ZPBP: variants seen among roughly 807,000 people sequenced by gnomAD.
The protein encoded by ZPBP is zona pellucida-binding protein 1.
In ZPBP, 26 loss-of-function variants were observed where a neutral mutation model predicts 44.8. The ratio of observed to expected loss-of-function variants is 0.58; its 90% confidence interval spans 0.43 to 0.81. The LOEUF (loss-of-function observed/expected upper bound fraction) is 0.81, where lower values mean the gene tolerates loss of function less well. Ranked by LOEUF, ZPBP falls within the 30% of genes least tolerant of loss-of-function variation. The pLI is 0.00. For synonymous variants in ZPBP, 174 were observed against 153.2 expected (o/e 1.14, Z -1.00); for missense variants, 409 against 434.0 (o/e 0.94, Z 0.51).
intron 1 of ZPBP, among the ~76,000 whole-genome samples, chr7:49,910,307 T>C (rs1365461591): frequency 6.6e-6 from 1 of 152,220 alleles, no homozygotes; most frequent in Non-Finnish European, 1.5e-5. Context: ...TTCTGGAGTT[T>C]GCTGGATTAA....
At chr7:49,983,669 C>A (rs1797128173) in intron 6 of ZPBP, 150 bp from the exon 7 acceptor site, 1 of 565,318 alleles carries the variant, frequency 1.8e-6, no homozygotes, top group Non-Finnish European at 3.1e-6. Flanking sequence ...ATAAAACACA[C>A]AAAACTGAAA....
chr7:49,864,051 C>T (rs691465), intron 2 of ZPBP, among the ~76,000 whole-genome samples: 2,740 of 152,166 alleles, frequency 0.018, 88 homozygotes, highest in African/African-American at 0.063. Context: ...TCAGACTGCC[C>T]TTCTTCCAGA....
In ZPBP at chr7:49,971,267, A is replaced by T. The variant is rs560356936; in HGVS notation, c.961+12075T>A. ...AGGAGAGGAAACTGAACACAGAATC[A>T]CCATAATGAGGGAAATAAATTAGGA... On this transcript the variant is annotated intron_variant, in intron 7 of 7. Transcript: ENST00000046087. 2.0e-5 allele frequency among the ~76,000 whole-genome samples: 3 copies of T among 152,288 alleles called. No homozygotes were observed. The East Asian group carries it at 5.8e-4, about 29-fold the overall frequency.
chr7:49,932,482 C>T (rs1219147121), downstream of ZPBP, among the ~76,000 whole-genome samples: 1 of 152,220 alleles, frequency 6.6e-6, no homozygotes, highest in Middle Eastern at 3.2e-3. Flanking sequence ...GGGCCTGCAG[C>T]CCCTTCGTTT....
intron 7 of ZPBP, chr7:49,940,873 G>T: frequency 1.3e-6 from 1 of 772,250 alleles, no homozygotes; most frequent in Non-Finnish European, 1.6e-6. Context: ...ACCACAAGGA[G>T]ACAACAAAGG....
chr7:49,971,084 C>A (rs1796287389), intron 7 of ZPBP, among the ~76,000 whole-genome samples: 1 of 151,800 alleles, frequency 6.6e-6, no homozygotes, highest in African/African-American at 2.4e-5. Context: ...ACAGATAATA[C>A]CTTGAGACAA....
chr7:50,050,195 GA>G (rs1800619807), intron 4 of ZPBP, among the ~76,000 whole-genome samples: 1 of 151,952 alleles, frequency 6.6e-6, no homozygotes, highest in South Asian at 2.1e-4. Flanking sequence ...TCTATAAATT[GA>G]ATGTAATTCC....
At chr7:49,982,483 A>T (rs1253499880) in intron 7 of ZPBP, among the ~76,000 whole-genome samples, 1 of 148,858 alleles carries the variant, frequency 6.7e-6, no homozygotes, top group Non-Finnish European at 1.5e-5. Flanking sequence ...TTTTTGTGAA[A>T]CTTCATATTT....
chr7:49,911,480 CAAAA>C (rs34782644), intron 1 of ZPBP, among the ~76,000 whole-genome samples: 1 of 71,628 alleles, frequency 1.4e-5, no homozygotes, highest in Non-Finnish European at 2.5e-5. Flanking sequence ...GACTCTGTCT[CAAAA>C]AAAAAAAAAA....
intron 6 of ZPBP, among the ~76,000 whole-genome samples, chr7:50,010,124 C>A (rs1051924029): frequency 1.3e-5 from 2 of 152,058 alleles, no homozygotes; most frequent in African/African-American, 4.8e-5. Flanking sequence ...TTGTACACAT[C>A]TACAAGCTTA....
At chr7:49,979,727 G>T (rs534535067) in intron 7 of ZPBP, among the ~76,000 whole-genome samples, 1 of 147,252 alleles carries the variant, frequency 6.8e-6, no homozygotes, top group African/African-American at 2.5e-5. Flanking sequence ...TTTGAATAAT[G>T]ATATAAATAC....
At chr7:49,978,853 T>C (rs1180176852) in intron 7 of ZPBP, among the ~76,000 whole-genome samples, 1 of 152,010 alleles carries the variant, frequency 6.6e-6, no homozygotes, top group South Asian at 2.1e-4. Flanking sequence ...AACGTTAGGG[T>C]GATAACCTCC....
chr7:49,950,632 C>T (rs562925068), intron 7 of ZPBP, among the ~76,000 whole-genome samples: 3 of 151,310 alleles, frequency 2.0e-5, no homozygotes, highest in Non-Finnish European at 1.5e-5. Flanking sequence ...CATATAAATA[C>T]ACAAATTAAT....
intron 2 of ZPBP, among the ~76,000 whole-genome samples, chr7:49,871,092 C>A (rs1791130454): frequency 6.6e-6 from 1 of 151,998 alleles, no homozygotes; most frequent in Non-Finnish European, 1.5e-5. Flanking sequence ...TGGAGCCATC[C>A]AAGAAGGACT....
chr7:49,840,826 A>G, the ZPBP span, among the ~76,000 whole-genome samples: 9 of 152,098 alleles, frequency 5.9e-5, no homozygotes, highest in African/African-American at 1.2e-4. Flanking sequence ...CAAGCCACTC[A>G]TAGTTTGTCC....
chr7:50,022,489 C>T (rs566826370), intron 5 of ZPBP, among the ~76,000 whole-genome samples: 1 of 151,894 alleles, frequency 6.6e-6, no homozygotes, highest in South Asian at 2.1e-4. Flanking sequence ...TTATAGTTCT[C>T]AGGTTAGCCA....
chr7:50,020,273 T>C (rs1584057122), intron 5 of ZPBP, among the ~76,000 whole-genome samples: 1 of 152,110 alleles, frequency 6.6e-6, no homozygotes, highest in South Asian at 2.1e-4. Context: ...TGAATCTTTA[T>C]ACAAGTTTAA....
At chr7:50,089,752 T>A in intron 1 of ZPBP, 43 bp from the exon 2 acceptor site, 1 of 1,458,046 alleles carries the variant, frequency 6.9e-7, no homozygotes, top group Non-Finnish European at 9.5e-7. Context: ...TTAGATATTC[T>A]AAAATATTCA....
At chr7:49,907,453 A>C (rs1439122294) in intron 1 of ZPBP, among the ~76,000 whole-genome samples, 1 of 152,192 alleles carries the variant, frequency 6.6e-6, no homozygotes, top group Non-Finnish European at 1.5e-5. Flanking sequence ...ATTACATAAC[A>C]GTAGGATAAA....
Sources: allele counts gnomAD v4.1 joint callset (sites outside exome capture counted in the v4.1 genomes callset), GRCh38; gene constraint gnomAD v4.1.1; transcripts MANE v1.5; gene names NCBI Gene and HGNC (gene_info 2026-07-23, HGNC 2026-07-21).